EVI5: variants seen among roughly 807,000 people sequenced by gnomAD.
The protein encoded by EVI5 is ecotropic viral integration site 5, also known as ecotropic viral integration site 5 protein homolog.
In EVI5, 73 loss-of-function variants were observed where a neutral mutation model predicts 112.0. The ratio of observed to expected loss-of-function variants is 0.65; its 90% CI spans 0.54 to 0.79. The LOEUF is 0.79. Ranked by LOEUF, EVI5 falls within the 30% of genes least tolerant of loss-of-function variation. The pLI, the probability that EVI5 is intolerant of heterozygous loss-of-function variation, is 0.00. For synonymous variants in EVI5, 305 were observed against 319.9 expected, an observed-to-expected ratio of 0.95 and a Z score of 0.50; for missense variants, 900 against 968.8, an observed-to-expected ratio of 0.93 and a Z score of 0.94.
chr1:92,518,329 G>C (rs1228579908), intron 19 of EVI5, among the ~76,000 whole-genome samples: 1 of 152,086 alleles, frequency 6.6e-6, no homozygotes, highest in Non-Finnish European at 1.5e-5. Context: ...TATATTTCCA[G>C]GTAAAATGAG....
At chr1:92,549,339 A>T (rs1557762393) in intron 19 of EVI5, among the ~76,000 whole-genome samples, 1 of 152,164 alleles carries the variant, frequency 6.6e-6, no homozygotes. Flanking sequence ...CCTTATACTA[A>T]AATTAATTCA....
At chr1:92,605,575 A>G (rs1257610252) in intron 17 of EVI5, among the ~76,000 whole-genome samples, 173 bp from the exon 18 acceptor site, 1 of 152,250 alleles carries the variant, frequency 6.6e-6, no homozygotes, top group African/African-American at 2.4e-5. Flanking sequence ...TGAGATATAA[A>G]TGTTCACATC....
intron 1 of EVI5, among the ~76,000 whole-genome samples, chr1:92,762,152 G>A (rs1004204874): frequency 1.3e-5 from 2 of 152,126 alleles, no homozygotes; most frequent in Non-Finnish European, 2.9e-5. Context: ...ATGGTAACAC[G>A]ACAATTATCT....
At chr1:92,554,079 T>C (rs886853420) in intron 19 of EVI5, among the ~76,000 whole-genome samples, 2 of 152,222 alleles carry the variant, frequency 1.3e-5, no homozygotes, top group East Asian at 1.9e-4. Context: ...ACAATGCTAG[T>C]AGCACCAAAT....
At chr1:92,597,399 A>G (rs1396174027) in intron 18 of EVI5, among the ~76,000 whole-genome samples, 2 of 152,216 alleles carry the variant, frequency 1.3e-5, no homozygotes, top group East Asian at 3.8e-4. Context: ...ATGTTATTAC[A>G]GTCATTAATA....
chr1:92,629,009 G>A (rs1300568032), intron 14 of EVI5, among the ~76,000 whole-genome samples: 4 of 152,124 alleles, frequency 2.6e-5, no homozygotes, highest in South Asian at 4.1e-4. Context: ...AAACAACACA[G>A]CCACTTACGA....
chr1:92,570,988 T>A (rs1670241940), intron 18 of EVI5, among the ~76,000 whole-genome samples: 1 of 152,088 alleles, frequency 6.6e-6, no homozygotes, highest in South Asian at 2.1e-4. Context: ...CTTGAACTTC[T>A]ATTCACTGTG....
chr1:92,514,062 CTTA>C, intron 19 of EVI5, 92 bp from the exon 20 acceptor site: 1 of 753,214 alleles, frequency 1.3e-6, no homozygotes, highest in Admixed American at 2.9e-5. Context: ...AAGAAGATGC[CTTA>C]TTATTTTTCT....
intron 18 of EVI5, among the ~76,000 whole-genome samples, chr1:92,581,019 T>A (rs1671849577): frequency 6.6e-6 from 1 of 152,200 alleles, no homozygotes; most frequent in South Asian, 2.1e-4. Flanking sequence ...TAAATAATAA[T>A]CAATAATAAT....
rs1660270990 is a variant in EVI5, at chr1:92,518,171, T to G, written c.2167-4201A>C. ...CCTTGGCCTCCCAAAGTGCTGGGAT[T>G]ACAGGTGTGAACCATCATGACTGGC... is the stretch of plus-strand genomic sequence containing the variant. On this transcript the variant is annotated intron_variant, in intron 19 of 19. Transcript: ENST00000684568. 1.3e-5 allele frequency among the ~76,000 whole-genome samples: 2 copies of G among 152,166 alleles called. 1 individual carries two copies. Among genetic ancestry groups the G allele is most frequent in the Admixed American group, 1.3e-4 (2 of 15,272 alleles).
intron 16 of EVI5, among the ~76,000 whole-genome samples, chr1:92,614,868 A>C (rs1652724203): frequency 1.0e-4 from 1 of 9,706 alleles, no homozygotes; most frequent in Non-Finnish European, 1.6e-4. Flanking sequence ...ATATATATAT[A>C]TATATATATA....
chr1:92,632,107 T>C (rs1034381667), intron 14 of EVI5, among the ~76,000 whole-genome samples: 12 of 152,254 alleles, frequency 7.9e-5, no homozygotes, highest in African/African-American at 1.9e-4. Context: ...GATTTTCACA[T>C]TGATGTTCAT....
intron 2 of EVI5, among the ~76,000 whole-genome samples, chr1:92,706,515 G>C (rs1034955708): frequency 1.3e-5 from 2 of 152,170 alleles, no homozygotes; most frequent in Non-Finnish European, 2.9e-5. Context: ...GCAGTTCAAA[G>C]AAAATAATGG....
intron 2 of EVI5, among the ~76,000 whole-genome samples, chr1:92,716,420 T>A (rs867668674): frequency 6.6e-5 from 10 of 152,262 alleles, no homozygotes; most frequent in South Asian, 2.1e-4. Context: ...AGGAATAGCA[T>A]CAACATCAAC....
At chr1:92,597,083 A>AT (rs760130413) in intron 18 of EVI5, among the ~76,000 whole-genome samples, 25 of 152,218 alleles carry the variant, frequency 1.6e-4, no homozygotes, top group Admixed American at 6.5e-5. Flanking sequence ...CTTGTCAAAG[A>AT]TAAGAGGCTA....
At chr1:92,701,052 T>C (rs1671080498) in intron 5 of EVI5, 1 of 152,336 alleles carries the variant, frequency 6.6e-6, no homozygotes, top group Admixed American at 6.5e-5. Context: ...GCACTTCTTA[T>C]GTGTTCTTAT....
chr1:92,542,976 T>C (rs1665075834), intron 19 of EVI5, among the ~76,000 whole-genome samples: 1 of 152,216 alleles, frequency 6.6e-6, no homozygotes, highest in South Asian at 2.1e-4. Context: ...ACAGGCAAAG[T>C]AGATTTAGCA....
chr1:92,589,614 C>T (rs900831296), intron 18 of EVI5, among the ~76,000 whole-genome samples: 8 of 152,170 alleles, frequency 5.3e-5, no homozygotes, highest in Non-Finnish European at 8.8e-5. Flanking sequence ...ACAACACAGC[C>T]GAGAAGCTCC....
intron 1 of EVI5, among the ~76,000 whole-genome samples, chr1:92,748,034 G>T (rs2102901954): frequency 6.6e-6 from 1 of 152,188 alleles, no homozygotes; most frequent in Middle Eastern, 3.4e-3. Flanking sequence ...AGGTACAAGG[G>T]TACTGTGATA....
Sources: allele counts gnomAD v4.1 joint callset (sites outside exome capture counted in the v4.1 genomes callset), GRCh38; gene constraint gnomAD v4.1.1; transcripts MANE v1.5; gene names NCBI Gene and HGNC (gene_info 2026-07-23, HGNC 2026-07-21).